RFX8: variants seen among roughly 807,000 people sequenced by gnomAD.
RFX8 encodes regulatory factor X8, also known as DNA-binding protein RFX8.
Under a neutral mutation model 54.6 loss-of-function variants are expected in RFX8, and 46 were observed. The observed-to-expected ratio is 0.84, with a 90% CI of 0.67 to 1.08. The LOEUF (loss-of-function observed/expected upper bound fraction) is 1.08, where lower values mean the gene tolerates loss of function less well. Ranked by LOEUF, RFX8 falls within the 50% of genes least tolerant of loss-of-function variation. The pLI is 0.00. For missense variants in RFX8, 536 were observed against 562.3 expected, an observed-to-expected ratio of 0.95 and a Z score of 0.47; for synonymous variants, 192 against 209.5, an observed-to-expected ratio of 0.92 and a Z score of 0.72.
At chr2:101,409,813 T>C (rs1253825699) in intron 9 of RFX8, among the ~76,000 whole-genome samples, 2 of 152,096 alleles carry the variant, frequency 1.3e-5, no homozygotes, top group Admixed American at 1.3e-4. Flanking sequence ...CTGTAGGTTT[T>C]AACCTGCAGC....
intron 2 of RFX8, among the ~76,000 whole-genome samples, chr2:101,438,961 G>A (rs1043963873): frequency 7.2e-5 from 11 of 152,190 alleles, no homozygotes; most frequent in Non-Finnish European, 1.3e-4. Context: ...ACAGGCGCCC[G>A]CCACCATGCC....
intron 2 of RFX8, chr2:101,428,919 G>C: frequency 7.8e-7 from 1 of 1,277,218 alleles, no homozygotes; most frequent in Non-Finnish European, 1.1e-6. Flanking sequence ...TGCTAGGTCT[G>C]GGTCTGTTAT....
At chr2:101,457,165 T>C (rs1558885331) in intron 2 of RFX8, among the ~76,000 whole-genome samples, 1 of 152,208 alleles carries the variant, frequency 6.6e-6, no homozygotes, top group Non-Finnish European at 1.5e-5. Context: ...AGCTCTTGGA[T>C]TCATTGATTT....
intron 2 of RFX8, among the ~76,000 whole-genome samples, chr2:101,448,344 C>G (rs1195696138): frequency 6.6e-6 from 1 of 152,168 alleles, no homozygotes; most frequent in Non-Finnish European, 1.5e-5. Flanking sequence ...TATTCTTCTA[C>G]TAGAGCTCCA....
In RFX8 at chr2:101,474,623, A is replaced by G. The variant is rs1690211357; in HGVS notation, c.-53+13T>C. The G allele has an allele frequency of 4.6e-6, 1 of 216,294 alleles. No individual in the cohort carries two copies. The highest frequency in any genetic ancestry group is 2.3e-5 in the African/African-American group (1 of 43,672). 13.4% of individuals were successfully genotyped at this position (216,294 alleles called of 1,614,324 possible). A position where few individuals can be genotyped will look rare whatever the true frequency, so the allele number is the denominator to read the frequency against. ...CAGTCAAACAGGGACGCGAACAACA[A>G]GCACCAACTTACACCTTTTCCAATC... On this transcript the variant is annotated intron_variant, in intron 1 of 11. Coordinates refer to ENST00000428343, the MANE Select transcript of RFX8 (RefSeq NM_001145664.2).
intron 2 of RFX8, among the ~76,000 whole-genome samples, chr2:101,463,595 G>A (rs1238030933): frequency 6.6e-6 from 1 of 152,202 alleles, no homozygotes; most frequent in Non-Finnish European, 1.5e-5. Flanking sequence ...CAGCCTGCCG[G>A]GCAGGCAGCA....
chr2:101,413,196 A>G (rs1299428665), intron 7 of RFX8, 125 bp from the exon 8 acceptor site: 2 of 716,320 alleles, frequency 2.8e-6, no homozygotes, highest in Admixed American at 2.8e-5. Flanking sequence ...GATATTACCC[A>G]TTAAAAATGA....
chr2:101,412,822 C>G, intron 8 of RFX8, 93 bp downstream of exon 8: 1 of 1,189,630 alleles, frequency 8.4e-7, no homozygotes, highest in Non-Finnish European at 1.2e-6. Flanking sequence ...AAAGTTCTAC[C>G]CCTATTAAGA....
intron 1 of RFX8, among the ~76,000 whole-genome samples, chr2:101,473,000 C>T (rs916224836): frequency 6.6e-6 from 1 of 151,254 alleles, no homozygotes; most frequent in African/African-American, 2.4e-5. Flanking sequence ...GACTGGGCAA[C>T]AGAGCAAGAC....
intron 2 of RFX8, among the ~76,000 whole-genome samples, chr2:101,427,901 A>G (rs188339737): frequency 3.9e-5 from 6 of 152,352 alleles, no homozygotes; most frequent in Admixed American, 1.3e-4. Flanking sequence ...AAACACGTTT[A>G]TAAAAGGTTA....
At chr2:101,428,883 G>A (rs1687331917) in intron 2 of RFX8, 1 of 919,508 alleles carries the variant, frequency 1.1e-6, no homozygotes, top group Admixed American at 2.0e-5. Context: ...AAAAACAGCT[G>A]GATCGAATTA....
At chr2:101,420,060 C>T (rs1686774240) in intron 4 of RFX8, among the ~76,000 whole-genome samples, 1 of 152,192 alleles carries the variant, frequency 6.6e-6, no homozygotes, top group Non-Finnish European at 1.5e-5. Flanking sequence ...CAGAACCCAC[C>T]CTTGTCGCTT....
intron 9 of RFX8, among the ~76,000 whole-genome samples, chr2:101,409,647 G>C (rs546330619): frequency 6.6e-6 from 1 of 152,080 alleles, no homozygotes; most frequent in African/African-American, 2.4e-5. Flanking sequence ...TTACAGGTGC[G>C]TGCCACCATG....
rs749699476 is a variant in RFX8 at position 101,402,747 on chromosome 2, A to G, written c.934T>C (p.Trp312Arg). Residue 312 changes from tryptophan to arginine, a missense_variant, in exon 11 of 12, where the codon TGG becomes CGG. By Grantham distance (101) the Trp-to-Arg change is moderately radical (BLOSUM62 -3). Transcript: ENST00000428343. ...AAAAGCAACAAGTGAAACAGATGCC[A>G]GGAGCCTACATTTAGATAATAACCA... ...TLCHRDSFGS[W>R]HLFHLLLLEY... 4.7e-5 allele frequency: 73 copies of G among 1,543,380 alleles called. No homozygotes were observed. The African/African-American group carries it at 5.5e-4, about 12-fold the overall frequency.
chr2:101,424,470 G>A (rs1448957731), intron 2 of RFX8, among the ~76,000 whole-genome samples: 1 of 152,154 alleles, frequency 6.6e-6, no homozygotes, highest in East Asian at 1.9e-4. Context: ...GATTCCTCAA[G>A]GATCTAGAAC....
chr2:101,459,039 G>A (rs561425676), intron 2 of RFX8, among the ~76,000 whole-genome samples: 40 of 152,134 alleles, frequency 2.6e-4, no homozygotes, highest in Non-Finnish European at 4.6e-4. Context: ...CAAAGTTCTC[G>A]TGCCACGGTT....
intron 1 of RFX8, 139 bp downstream of exon 1, chr2:101,474,497 C>A (rs865944872): frequency 8.8e-6 from 3 of 339,982 alleles, no homozygotes; most frequent in Non-Finnish European, 1.6e-5. Context: ...CCCCAACCCC[C>A]GCGCCCCGCC....
At position 101,464,043 on chromosome 2, in the gene RFX8, G is replaced by A. The variant is rs560383152; in HGVS notation, c.72+2734C>T. ...TTGCTCAAATGCTCACTCAGGAGCTGAGGAAGAACCAGCCACTGGACACCT... is the reference window on the plus strand; with the variant it reads ...TTGCTCAAATGCTCACTCAGGAGCTAAGGAAGAACCAGCCACTGGACACCT... On this transcript the variant is annotated intron_variant, in intron 2 of 11. Coordinates refer to ENST00000428343, the MANE Select transcript of RFX8 (RefSeq NM_001145664.2). 2.0e-5 allele frequency among the ~76,000 whole-genome samples: 3 copies of A among 152,332 alleles called. No homozygotes were observed. In the South Asian group the frequency reaches 6.2e-4, roughly 32 times the overall value.
rs1348556232 is a variant in RFX8, at chr2:101,466,918, A to G, written c.-52-18T>C. ...CGACCAACCTGGAGGAGAGGAGGAC[A>G]AGGAGGAGGAAATTGGCATTTGTTT... On this transcript the variant is annotated intron_variant, in intron 1 of 11. Coordinates refer to ENST00000428343, the MANE Select transcript of RFX8 (RefSeq NM_001145664.2). 1.7e-6 allele frequency: 2 copies of G among 1,145,068 alleles called. No individual in the cohort carries two copies. Among genetic ancestry groups the G allele is most frequent in the South Asian group, 1.3e-5 (1 of 75,416 alleles). The allele number at this position is 1,145,068 out of a possible 1,614,324, so 70.9% of individuals were successfully genotyped here.
Sources: allele counts gnomAD v4.1 joint callset (sites outside exome capture counted in the v4.1 genomes callset), GRCh38; gene constraint gnomAD v4.1.1; transcripts MANE v1.5; gene names NCBI Gene and HGNC (gene_info 2026-07-23, HGNC 2026-07-21).